COP1: variants seen among roughly 807,000 people sequenced by gnomAD.
COP1 encodes COP1 E3 ubiquitin ligase.
In COP1, 24 loss-of-function variants were observed where a neutral mutation model predicts 101.3. The observed-to-expected ratio is 0.24, with a 90% CI of 0.17 to 0.33. The LOEUF (loss-of-function observed/expected upper bound fraction) is 0.33. Ranked by LOEUF, COP1 falls within the 10% of genes least tolerant of loss-of-function variation. COP1 has a pLI of 1.00. For synonymous variants in COP1, 347 were observed against 341.9 expected, an observed-to-expected ratio of 1.01 and a Z score of -0.17; for missense variants, 663 against 906.2, an observed-to-expected ratio of 0.73 and a Z score of 3.45.
At chr1:176,062,289 A>G (rs1675007304) in intron 11 of COP1, among the ~76,000 whole-genome samples, 1 of 152,184 alleles carries the variant, frequency 6.6e-6, no homozygotes, top group Non-Finnish European at 1.5e-5. Context: ...GGCATGAGCC[A>G]CTGAGCCCGG....
chr1:176,088,024 T>C (rs1295893579), intron 9 of COP1, among the ~76,000 whole-genome samples: 1 of 152,066 alleles, frequency 6.6e-6, no homozygotes, highest in Non-Finnish European at 1.5e-5. Context: ...AAACACCATA[T>C]GTTCTCACTC....
At chr1:176,064,029 G>C (rs942720005) in intron 11 of COP1, among the ~76,000 whole-genome samples, 7 of 152,164 alleles carry the variant, frequency 4.6e-5, no homozygotes, top group Admixed American at 4.6e-4. Context: ...AAGTGTAGCA[G>C]TACATCCTTA....
At chr1:175,961,242 T>C (rs1455673915) in intron 18 of COP1, among the ~76,000 whole-genome samples, 1 of 152,196 alleles carries the variant, frequency 6.6e-6, no homozygotes, top group Non-Finnish European at 1.5e-5. Flanking sequence ...GATCTAACTA[T>C]ACATGTCCTA....
intron 14 of COP1, among the ~76,000 whole-genome samples, chr1:176,034,096 G>C (rs1222175327): frequency 1.3e-5 from 2 of 152,030 alleles, no homozygotes; most frequent in African/African-American, 4.8e-5. Context: ...AAAAACAAAA[G>C]CAACTATATG....
intron 15 of COP1, among the ~76,000 whole-genome samples, chr1:176,004,962 G>C (rs1223187724): frequency 6.6e-6 from 1 of 151,826 alleles, no homozygotes; most frequent in Non-Finnish European, 1.5e-5. Context: ...GTAGAATTCA[G>C]CTGTGAATCC....
intron 3 of COP1, among the ~76,000 whole-genome samples, chr1:176,170,992 G>A (rs1324428572): frequency 1.3e-5 from 2 of 151,898 alleles, no homozygotes; most frequent in Non-Finnish European, 2.9e-5. Context: ...GGGCTTGGTG[G>A]TGGGCGCCTG....
At chr1:176,056,925 C>A (rs1047072352) in intron 11 of COP1, among the ~76,000 whole-genome samples, 2 of 152,258 alleles carry the variant, frequency 1.3e-5, no homozygotes, top group Non-Finnish European at 2.9e-5. Context: ...CTACTCTGAG[C>A]AAAGGATAAA....
At chr1:176,088,318 CAG>C (rs1448521792) in intron 9 of COP1, among the ~76,000 whole-genome samples, 1 of 151,880 alleles carries the variant, frequency 6.6e-6, no homozygotes, top group African/African-American at 2.4e-5. Flanking sequence ...CACTGAATGA[CAG>C]TCATACACAA....
At chr1:176,186,267 C>T (rs1698427666) in intron 1 of COP1, among the ~76,000 whole-genome samples, 1 of 151,622 alleles carries the variant, frequency 6.6e-6, no homozygotes, top group African/African-American at 2.4e-5. Context: ...ACTGCTAAGA[C>T]ACAGAACACC....
chr1:176,063,604 G>GAGA (rs1207771697), intron 11 of COP1, among the ~76,000 whole-genome samples: 2 of 152,182 alleles, frequency 1.3e-5, no homozygotes, highest in African/African-American at 2.4e-5. Context: ...ATGGGGAGAA[G>GAGA]AGAAGAAGAG....
At chr1:176,201,761 A>G (rs2102277873) in intron 1 of COP1, among the ~76,000 whole-genome samples, 1 of 152,362 alleles carries the variant, frequency 6.6e-6, no homozygotes, top group South Asian at 2.1e-4. Flanking sequence ...CAGGTCTGAC[A>G]GTACCAATAG....
At chr1:176,001,521 A>AGC (rs1661596318) in intron 15 of COP1, among the ~76,000 whole-genome samples, 1 of 152,140 alleles carries the variant, frequency 6.6e-6, no homozygotes, top group Non-Finnish European at 1.5e-5. Context: ...TAATAATAAA[A>AGC]GCGAGATATT....
intron 9 of COP1, among the ~76,000 whole-genome samples, chr1:176,092,752 G>A (rs1398490720): frequency 6.6e-6 from 1 of 152,128 alleles, no homozygotes; most frequent in Non-Finnish European, 1.5e-5. Context: ...CTCATGTAGT[G>A]GGAGTTTTAA....
At chr1:175,949,760 G>A (rs932919590) in intron 18 of COP1, among the ~76,000 whole-genome samples, 1 of 152,100 alleles carries the variant, frequency 6.6e-6, no homozygotes, top group African/African-American at 2.4e-5. Flanking sequence ...ATTTAAAGCC[G>A]AAAGCTCCAT....
At chr1:176,146,864 G>C (rs961753784) in intron 6 of COP1, among the ~76,000 whole-genome samples, 2 of 150,966 alleles carry the variant, frequency 1.3e-5, no homozygotes, top group African/African-American at 2.4e-5. Context: ...ATTCTAAGGA[G>C]AATCAGTAGG....
intron 8 of COP1, among the ~76,000 whole-genome samples, chr1:176,120,078 A>AT (rs1389094169): frequency 4.6e-5 from 7 of 152,208 alleles, no homozygotes; most frequent in African/African-American, 1.7e-4. Flanking sequence ...TTGTAGACAT[A>AT]TTTTAAAGAG....
intron 15 of COP1, among the ~76,000 whole-genome samples, chr1:176,019,063 G>A (rs188823942): frequency 6.6e-6 from 1 of 152,278 alleles, no homozygotes; most frequent in Non-Finnish European, 1.5e-5. Flanking sequence ...CTACTTGGAA[G>A]GCTGAGGCAC....
At chr1:176,065,528 GC>G (rs1675765930) in intron 11 of COP1, among the ~76,000 whole-genome samples, 1 of 152,062 alleles carries the variant, frequency 6.6e-6, no homozygotes, top group South Asian at 2.1e-4. Context: ...ATCAAAACTT[GC>G]CACCCCAAAA....
chr1:175,950,287 G>GA (rs1177807244), intron 18 of COP1, among the ~76,000 whole-genome samples: 1 of 150,998 alleles, frequency 6.6e-6, no homozygotes, highest in African/African-American at 2.4e-5. Context: ...TTTAATGAAA[G>GA]AAAAATAATG....
Sources: gnomAD v4.1 joint callset for allele counts (sites outside exome capture counted in the v4.1 genomes callset) on GRCh38, gnomAD v4.1.1 for gene constraint, MANE v1.5 for transcripts, NCBI Gene and HGNC (gene_info 2026-07-23, HGNC 2026-07-21) for gene names.